PCDH9: variants seen among roughly 807,000 people sequenced by gnomAD.
PCDH9 encodes the protein protocadherin-9.
In PCDH9, 24 loss-of-function variants were observed where a neutral mutation model predicts 70.6. The ratio of observed to expected loss-of-function variants is 0.34; its 90% confidence interval spans 0.25 to 0.48. The LOEUF (loss-of-function observed/expected upper bound fraction) is 0.48. Ranked by LOEUF, PCDH9 falls within the 20% of genes least tolerant of loss-of-function variation. The probability of loss-of-function intolerance (pLI) is 0.99; values close to 1 mark genes in which losing one functional copy is unlikely to be tolerated. For missense variants in PCDH9, 1,281 were observed against 1,503.6 expected, an observed-to-expected ratio of 0.85 and a Z score of 2.45; for synonymous variants, 562 against 558.5, an observed-to-expected ratio of 1.01 and a Z score of -0.09.
chr13:66,620,351 C>G (rs910056572), intron 4 of PCDH9, among the ~76,000 whole-genome samples: 2 of 152,144 alleles, frequency 1.3e-5, no homozygotes, highest in East Asian at 1.9e-4. Flanking sequence ...GGTTAAGTAT[C>G]TGAGACTTAA....
intron 3 of PCDH9, among the ~76,000 whole-genome samples, chr13:66,680,052 T>A (rs1346023127): frequency 6.6e-6 from 1 of 151,966 alleles, no homozygotes; most frequent in African/African-American, 2.4e-5. Context: ...TGTTTAAGAG[T>A]TCAGATTCCT....
At chr13:66,812,086 C>T (rs1309500998) in intron 3 of PCDH9, among the ~76,000 whole-genome samples, 1 of 151,962 alleles carries the variant, frequency 6.6e-6, no homozygotes, top group Admixed American at 6.6e-5. Flanking sequence ...ACTCTTCCCC[C>T]TAAGTACCCA....
At chr13:66,715,342 C>A (rs915929358) in intron 3 of PCDH9, among the ~76,000 whole-genome samples, 2 of 152,044 alleles carry the variant, frequency 1.3e-5, no homozygotes, top group Non-Finnish European at 2.9e-5. Flanking sequence ...ATATCTTCCC[C>A]AAATCACCTG....
intron 2 of PCDH9, among the ~76,000 whole-genome samples, chr13:67,156,560 C>T (rs1420959016): frequency 6.6e-6 from 1 of 152,058 alleles, no homozygotes; most frequent in Non-Finnish European, 1.5e-5. Context: ...AAACCATCTC[C>T]CTTCTGGCTC....
intron 2 of PCDH9, among the ~76,000 whole-genome samples, chr13:67,074,632 T>C (rs894828999): frequency 5.3e-5 from 8 of 152,168 alleles, no homozygotes; most frequent in African/African-American, 1.9e-4. Flanking sequence ...TTTATAATGT[T>C]ATCTACGGAA....
At chr13:66,468,234 G>GC (rs919123320) in intron 4 of PCDH9, among the ~76,000 whole-genome samples, 5 of 152,102 alleles carry the variant, frequency 3.3e-5, no homozygotes, top group African/African-American at 4.8e-5. Flanking sequence ...TCAATGTGTT[G>GC]CTTGTTTTTC....
intron 3 of PCDH9, among the ~76,000 whole-genome samples, chr13:66,854,299 T>C (rs2081360234): frequency 1.3e-5 from 2 of 152,168 alleles, no homozygotes; most frequent in Non-Finnish European, 2.9e-5. Flanking sequence ...GAATATAAAG[T>C]CCCTGACCTG....
intron 2 of PCDH9, among the ~76,000 whole-genome samples, chr13:67,148,308 T>G (rs2087573077): frequency 6.6e-6 from 1 of 152,116 alleles, no homozygotes; most frequent in Non-Finnish European, 1.5e-5. Flanking sequence ...TTCAAGACCA[T>G]TTCTTTGTGT....
chr13:66,306,556 A>G (rs1259789110), intron 4 of PCDH9, among the ~76,000 whole-genome samples: 2 of 151,448 alleles, frequency 1.3e-5, no homozygotes, highest in Admixed American at 1.3e-4. Context: ...TTGTTTAAAA[A>G]CAGAACAGAT....
rs956929841 is a variant in PCDH9, at chr13:66,861,290, G to T, written c.3138+42214C>A. On this transcript the variant is annotated intron_variant, in intron 3 of 4. Transcript: ENST00000377865. ...CATGGAGGGCCCTTGGGATACTGGG[G>T]TGATAAATCAGAACTTGGAAGGAAG... 5.9e-5 allele frequency among the ~76,000 whole-genome samples: 9 copies of T among 152,198 alleles called. 1 individual carries two copies. Among genetic ancestry groups the T allele is most frequent in the Admixed American group, 5.9e-4 (9 of 15,284 alleles).
intron 2 of PCDH9, among the ~76,000 whole-genome samples, chr13:67,068,671 T>C (rs1307195935): frequency 1.3e-5 from 2 of 152,194 alleles, no homozygotes; most frequent in Non-Finnish European, 2.9e-5. Flanking sequence ...CTGAACAGCC[T>C]GTTGCTTGCA....
intron 3 of PCDH9, among the ~76,000 whole-genome samples, chr13:66,705,431 T>C (rs2078698940): frequency 6.6e-6 from 1 of 152,200 alleles, no homozygotes; most frequent in African/African-American, 2.4e-5. Context: ...TTATGTTGAC[T>C]TCCTCCTAAT....
At chr13:66,904,998 A>G (rs1449634105) in intron 2 of PCDH9, among the ~76,000 whole-genome samples, 1 of 151,980 alleles carries the variant, frequency 6.6e-6, no homozygotes. Context: ...TACCTCCTCT[A>G]GCAACTCTTT....
intron 2 of PCDH9, among the ~76,000 whole-genome samples, chr13:67,026,804 C>T (rs901502662): frequency 6.6e-5 from 10 of 151,672 alleles, no homozygotes; most frequent in African/African-American, 1.9e-4. Context: ...TGAGTGAACT[C>T]CCATTCACAA....
chr13:66,856,900 T>A (rs1487916545), intron 3 of PCDH9, among the ~76,000 whole-genome samples: 1 of 152,034 alleles, frequency 6.6e-6, no homozygotes, highest in East Asian at 1.9e-4. Context: ...AAGGAATGGA[T>A]TTACCTTGTA....
At position 67,206,044 on chromosome 13, in the gene PCDH9, T is replaced by G. The variant is rs1026530071; in HGVS notation, c.3036+19361A>C. 12 of 152,168 alleles carry G rather than the reference T, an allele frequency of 7.9e-5. No homozygotes were observed. In the South Asian group the frequency reaches 1.0e-3, roughly 13 times the overall value. The allele number at this position is 152,168 out of a possible 1,614,324, so 9.4% of individuals were successfully genotyped here. On this transcript the variant is annotated intron_variant, in intron 2 of 4. Transcript: ENST00000377865. ...TTTGTAGAGATGGGGTCTCGCTATG[T>G]TGTCTAGGCAGCTCTCAAACTCCTG...
At chr13:66,387,863 A>C (rs1188896030) in intron 4 of PCDH9, among the ~76,000 whole-genome samples, 2 of 152,164 alleles carry the variant, frequency 1.3e-5, no homozygotes, top group Admixed American at 6.5e-5. Context: ...TTCCATTTAC[A>C]CCTCAGTCTC....
intron 2 of PCDH9, among the ~76,000 whole-genome samples, chr13:67,069,555 A>G (rs2085718024): frequency 6.6e-6 from 1 of 152,164 alleles, no homozygotes; most frequent in Admixed American, 6.6e-5. Context: ...GCATCAGACC[A>G]GTTACAAGCC....
At chr13:67,080,436 T>C (rs1202015376) in intron 2 of PCDH9, among the ~76,000 whole-genome samples, 2 of 152,154 alleles carry the variant, frequency 1.3e-5, no homozygotes, top group African/African-American at 4.8e-5. Context: ...GTAAAATGGT[T>C]AGTTGGATCA....
Sources: gnomAD v4.1 joint callset for allele counts (sites outside exome capture counted in the v4.1 genomes callset) on GRCh38, gnomAD v4.1.1 for gene constraint, MANE v1.5 for transcripts, NCBI Gene and HGNC (gene_info 2026-07-23, HGNC 2026-07-21) for gene names.